Variants in HS2ST1 observed in about 807,000 individuals in gnomAD.
The protein encoded by HS2ST1 is heparan sulfate 2-O-sulfotransferase 1.
A neutral mutation model predicts 42.9 loss-of-function variants in HS2ST1; 18 were observed. That is an observed-to-expected ratio of 0.42 (90% CI 0.29 to 0.62). The LOEUF is 0.62. HS2ST1 is among the 20% of genes least tolerant of loss of function. The pLI is 0.21. For synonymous variants in HS2ST1, 146 were observed against 152.9 expected (o/e 0.95, Z 0.33); for missense variants, 334 against 433.8 (o/e 0.77, Z 2.04).
chr1:87,007,619 T>C (rs1227616756), intron 1 of HS2ST1, among the ~76,000 whole-genome samples: 1 of 152,304 alleles, frequency 6.6e-6, no homozygotes, highest in South Asian at 2.1e-4. Context: ...CAAAATACTT[T>C]GCACTCCTCT....
intron 1 of HS2ST1, among the ~76,000 whole-genome samples, chr1:86,987,703 T>C (rs1648831725): frequency 6.6e-6 from 1 of 152,212 alleles, no homozygotes; most frequent in Non-Finnish European, 1.5e-5. Flanking sequence ...TTATCTCCTG[T>C]TAGTCTGTCT....
At chr1:86,940,853 G>A (rs1219216072) in intron 1 of HS2ST1, among the ~76,000 whole-genome samples, 1 of 152,148 alleles carries the variant, frequency 6.6e-6, no homozygotes, top group Non-Finnish European at 1.5e-5. Context: ...AATTTACCAT[G>A]TGTGGTGGCA....
intron 1 of HS2ST1, among the ~76,000 whole-genome samples, chr1:86,930,309 T>C (rs1660517590): frequency 6.6e-6 from 1 of 151,904 alleles, no homozygotes; most frequent in African/African-American, 2.4e-5. Flanking sequence ...AAATGCTGGA[T>C]TTGTTGGAAG....
Position 87,108,323 on chromosome 1 carries a change from A to G in HS2ST1, c.*3627A>G, listed in dbSNP as rs1009149866. ...GGATTTTTCCATTGGTCATTCCCAAACACACCTATGGTCCTAGAATCCTTA... is the reference window on the plus strand; with the variant it reads ...GGATTTTTCCATTGGTCATTCCCAAGCACACCTATGGTCCTAGAATCCTTA... On this transcript the variant is annotated 3_prime_UTR_variant, in exon 7 of 7. Transcript: ENST00000370550. 1 of 152,092 alleles carries G rather than the reference A, an allele frequency of 6.6e-6. No individual in the cohort carries two copies. The highest frequency in any genetic ancestry group is 1.5e-5 in the Non-Finnish European group (1 of 67,966). The allele number at this position is 152,092 out of a possible 1,614,324, so 9.4% of individuals were successfully genotyped here.
chr1:87,080,349 A>T (rs980343430), intron 2 of HS2ST1, among the ~76,000 whole-genome samples: 2 of 152,212 alleles, frequency 1.3e-5, no homozygotes, highest in African/African-American at 4.8e-5. Context: ...TCATAAGGAA[A>T]TAAACAATTG....
intron 1 of HS2ST1, among the ~76,000 whole-genome samples, chr1:86,925,732 G>A (rs1179619554): frequency 6.6e-6 from 1 of 152,134 alleles, no homozygotes; most frequent in Non-Finnish European, 1.5e-5. Flanking sequence ...ATGAGATTTG[G>A]GTGGGGACAC....
chr1:86,927,187 G>C (rs535688643), intron 1 of HS2ST1, among the ~76,000 whole-genome samples: 1 of 152,200 alleles, frequency 6.6e-6, no homozygotes, highest in Non-Finnish European at 1.5e-5. Context: ...TAATGGGGAA[G>C]AGAATCAGAG....
intron 1 of HS2ST1, among the ~76,000 whole-genome samples, chr1:86,923,620 TCTC>T (rs1311101955): frequency 6.6e-6 from 1 of 152,110 alleles, no homozygotes; most frequent in African/African-American, 2.4e-5. Context: ...CTGGTCTTGA[TCTC>T]CTGACCTCAT....
At chr1:87,007,061 A>G (rs1003627511) in intron 1 of HS2ST1, among the ~76,000 whole-genome samples, 4 of 152,108 alleles carry the variant, frequency 2.6e-5, no homozygotes, top group African/African-American at 4.8e-5. Context: ...TTACAATAGC[A>G]TAAAGATTTT....
Position 87,101,149 on chromosome 1 carries a change from GTTTTTTGTTTTTTTTTT to G in HS2ST1, c.687-2276_687-2260del, listed in dbSNP as rs1447372364. Among the ~76,000 whole-genome samples, 23 of 59,568 alleles carry G rather than the reference GTTTTTTGTTTTTTTTTT, an allele frequency of 3.9e-4. 1 individual carries two copies. Among genetic ancestry groups the G allele is most frequent in the South Asian group, 1.4e-3 (2 of 1,380 alleles). The allele number at this position is 59,568 out of a possible 152,430, so 39.1% of individuals were successfully genotyped here. On this transcript the variant is annotated intron_variant, in intron 5 of 6. Coordinates refer to ENST00000370550, the MANE Select transcript of HS2ST1 (RefSeq NM_012262.4). ...TCATCACTTTTGTGTGTGTGTGTGT[GTTTTTTGTTTTTTTTTT>G]TTTTTTTTTTTTTTTTTTTGAGGCA...
At chr1:86,927,063 A>G (rs1660436539) in intron 1 of HS2ST1, among the ~76,000 whole-genome samples, 1 of 152,096 alleles carries the variant, frequency 6.6e-6, no homozygotes, top group Non-Finnish European at 1.5e-5. Context: ...TTTTCCTGTT[A>G]GTATGGTTCT....
chr1:87,049,421 G>A (rs1478293825), intron 1 of HS2ST1, among the ~76,000 whole-genome samples: 2 of 151,936 alleles, frequency 1.3e-5, no homozygotes, highest in East Asian at 3.8e-4. Flanking sequence ...AGTGCTGTAT[G>A]TTTCCCTAAA....
intron 2 of HS2ST1, among the ~76,000 whole-genome samples, chr1:87,081,651 A>G (rs1244538993): frequency 1.3e-5 from 2 of 152,188 alleles, no homozygotes; most frequent in Non-Finnish European, 2.9e-5. Flanking sequence ...GAGCAAACCA[A>G]ATCCAAAATG....
intron 1 of HS2ST1, among the ~76,000 whole-genome samples, chr1:87,041,640 T>C (rs1463979231): frequency 6.6e-6 from 1 of 152,150 alleles, no homozygotes; most frequent in Non-Finnish European, 1.5e-5. Flanking sequence ...TTTCTGCATC[T>C]ATGAGTTTGA....
chr1:87,009,210 T>C (rs761032674), intron 1 of HS2ST1, among the ~76,000 whole-genome samples: 1 of 152,240 alleles, frequency 6.6e-6, no homozygotes, highest in Non-Finnish European at 1.5e-5. Context: ...ACCTCTGTTA[T>C]GTACAATGTG....
chr1:87,042,194 T>TA (rs1650540455), intron 1 of HS2ST1, among the ~76,000 whole-genome samples: 1 of 152,186 alleles, frequency 6.6e-6, no homozygotes, highest in Middle Eastern at 3.2e-3. Context: ...GCTATTGAGT[T>TA]ATAGCAGTTT....
rs565426898 is a variant in HS2ST1, at chr1:86,975,181, A to C, written c.124+60021A>C. 1.9e-3 allele frequency among the ~76,000 whole-genome samples: 292 copies of C among 152,218 alleles called. 2 individuals are homozygous for C. Among genetic ancestry groups the C allele is most frequent in the African/African-American group, 6.7e-3 (277 of 41,572 alleles). On this transcript the variant is annotated intron_variant, in intron 1 of 6. Coordinates refer to ENST00000370550, the MANE Select transcript of HS2ST1 (RefSeq NM_012262.4). ...ACTCAAAGACTTTGGTAGAGAAAAA[A>C]GTTTTATACGCATATTTTAAAATCA...
intron 1 of HS2ST1, among the ~76,000 whole-genome samples, chr1:87,058,333 T>TC (rs1289706252): frequency 2.0e-5 from 3 of 151,858 alleles, no homozygotes; most frequent in African/African-American, 4.9e-5. Flanking sequence ...TATCTTTTTT[T>TC]CTGGAGTAAT....
In HS2ST1 at chr1:87,015,795, A is replaced by G. The variant is rs114136918; in HGVS notation, c.125-57139A>G. Among the ~76,000 whole-genome samples, 412 of 152,224 alleles carry G rather than the reference A, an allele frequency of 2.7e-3. 1 individual carries two copies. The highest frequency in any genetic ancestry group is 9.7e-3 in the African/African-American group (405 of 41,546). ...TGAAAATTATAGCCAATGAAAAGCA[A>G]TGTAGCTCTTTTTCTTTCTTTTTTT... On this transcript the variant is annotated intron_variant, in intron 1 of 6. Coordinates refer to ENST00000370550, the MANE Select transcript of HS2ST1 (RefSeq NM_012262.4).
Sources: gnomAD v4.1 joint callset for allele counts (sites outside exome capture counted in the v4.1 genomes callset) on GRCh38, gnomAD v4.1.1 for gene constraint, MANE v1.5 for transcripts, NCBI Gene and HGNC (gene_info 2026-07-23, HGNC 2026-07-21) for gene names.